The following MYOM2 variants were observed in gnomAD, a reference collection of about 807,000 sequenced individuals.
The protein encoded by MYOM2 is myomesin-2.
In MYOM2, 254 loss-of-function variants were observed where a neutral mutation model predicts 187.6. That is an observed-to-expected ratio of 1.35 (90% confidence interval 1.22 to 1.50). The LOEUF (loss-of-function observed/expected upper bound fraction) is 1.50. Among genes scored for constraint, MYOM2 ranks in the 40% most tolerant of loss-of-function variants. The pLI is 0.00. For synonymous variants in MYOM2, 981 were observed against 753.8 expected (o/e 1.30, Z -4.94); for missense variants, 2,796 against 1,924.0 (o/e 1.45, Z -8.48).
At chr8:2,089,350 C>G (rs1189201894) in intron 14 of MYOM2, among the ~76,000 whole-genome samples, 1 of 151,398 alleles carries the variant, frequency 6.6e-6, no homozygotes, top group Non-Finnish European at 1.5e-5. Flanking sequence ...TATAAAATAG[C>G]CACATTAACG....
rs1368762902 is a variant in MYOM2 at position 2,085,495 on chromosome 8, A to G, written c.1644+105A>G. 57 of 1,274,792 alleles carry G rather than the reference A, an allele frequency of 4.5e-5. 1 individual carries two copies. The highest frequency in any genetic ancestry group is 2.6e-4 in the African/African-American group (16 of 61,012). 79.0% of individuals were successfully genotyped at this position (1,274,792 alleles called of 1,614,324 possible). On this transcript the variant is annotated intron_variant, in intron 14 of 36. Transcript: ENST00000262113. Reference sequence around the variant, plus strand: ...TGTCGTGATCTCCGCGTGGCCCCTCACTGTTGTGATCTCCGCGTGGCCCCC... The same window carrying G: ...TGTCGTGATCTCCGCGTGGCCCCTCGCTGTTGTGATCTCCGCGTGGCCCCC...
chr8:2,097,777 A>G (rs1563053000), intron 18 of MYOM2, among the ~76,000 whole-genome samples: 1 of 152,218 alleles, frequency 6.6e-6, no homozygotes, highest in Non-Finnish European at 1.5e-5. Flanking sequence ...TCAGCCTCCC[A>G]AAGTGCGGGG....
Position 2,085,306 on chromosome 8 carries a change from C to T in MYOM2, c.1560C>T (p.Ser520=), listed in dbSNP as rs141043797. 4.0e-4 allele frequency: 651 copies of T among 1,614,150 alleles called. No homozygotes were observed. Among genetic ancestry groups the T allele is most frequent in the African/African-American group, 6.8e-4 (51 of 75,040 alleles). Residue 520 remains serine, a synonymous_variant, in exon 14 of 37, where the codon TCC becomes TCT. Transcript: ENST00000262113. ...GGCCTCCCACCGGTGTGCACGCTTCCGAGATCAGCAGAAACTATGTCGTCC... is the reference window on the plus strand; with the variant it reads ...GGCCTCCCACCGGTGTGCACGCTTCTGAGATCAGCAGAAACTATGTCGTCC... ...VPGPPTGVHA[S]EISRNYVVLS...
rs374841806 is a variant in MYOM2 at position 2,050,804 on chromosome 8, A to G, written c.38A>G (p.His13Arg). The change falls in exon 2 of 37, where the codon CAT (histidine) becomes CGT (arginine). Residue 13 changes from histidine (H) to arginine (R), a missense_variant. Coordinates refer to ENST00000262113, the MANE Select transcript of MYOM2 (RefSeq NM_003970.4). ...ACTGTCCCCTTCTACCAGAAGAGAC[A>G]TAGGCACTTCGACCAGTCCTACCGT... ...LVTVPFYQKR[H>R]RHFDQSYRNI... The G allele has an allele frequency of 2.5e-6, 4 of 1,613,652 alleles. No individual in the cohort carries two copies. The highest frequency in any genetic ancestry group is 1.3e-5 in the African/African-American group (1 of 75,076).
At chr8:2,089,462 C>T (rs976035625) in intron 14 of MYOM2, among the ~76,000 whole-genome samples, 1 of 152,108 alleles carries the variant, frequency 6.6e-6, no homozygotes, top group African/African-American at 2.4e-5. Context: ...TAACATAATT[C>T]CTCTTATTAG....
In MYOM2 at chr8:2,106,227, A is replaced by T; in HGVS notation, c.2735-15A>T. ...CGTGTCCCTAAGCCGCTCACTTCAT[A>T]CTCTTCTTATGCAGGCACCAAGGAA... On this transcript the variant is annotated splice_polypyrimidine_tract_variant and intron_variant, in intron 21 of 36. Transcript: ENST00000262113. The T allele has an allele frequency of 1.2e-6, 2 of 1,613,548 alleles. No individual in the cohort carries two copies. The highest frequency in any genetic ancestry group is 1.7e-6 in the Non-Finnish European group (2 of 1,179,754).
intron 17 of MYOM2, 150 bp downstream of exon 17, chr8:2,094,241 C>T (rs1285014265): frequency 1.0e-6 from 1 of 974,916 alleles, no homozygotes; most frequent in African/African-American, 1.6e-5. Flanking sequence ...TTTGAAGCCT[C>T]TCGGTTGGCT....
In MYOM2 at chr8:2,085,483, G is replaced by A. The variant is rs548710484; in HGVS notation, c.1644+93G>A. The stretch of plus-strand genomic sequence containing the variant: ...GTGGCCCACCGCTGTCGTGATCTCC[G>A]CGTGGCCCCTCACTGTTGTGATCTC... On this transcript the variant is annotated intron_variant, in intron 14 of 36. Transcript: ENST00000262113. 1.3e-3 allele frequency: 1,806 copies of A among 1,422,282 alleles called. 48 individuals carry two copies. The highest frequency in any genetic ancestry group is 1.4e-3 in the Non-Finnish European group (1,536 of 1,062,080). The allele number at this position is 1,422,282 out of a possible 1,614,324, so 88.1% of individuals were successfully genotyped here. A position where few individuals can be genotyped will look rare whatever the true frequency, so the allele number is the denominator to read the frequency against.
intron 32 of MYOM2, among the ~76,000 whole-genome samples, chr8:2,134,724 C>A (rs942663699): frequency 6.6e-6 from 1 of 152,166 alleles, no homozygotes; most frequent in Non-Finnish European, 1.5e-5. Context: ...CAAATTGTTC[C>A]AGCTCTGGCC....
intron 16 of MYOM2, among the ~76,000 whole-genome samples, chr8:2,093,347 T>A (rs1374237476): frequency 3.3e-5 from 5 of 152,226 alleles, no homozygotes; most frequent in African/African-American, 4.8e-5. Flanking sequence ...GAATATTTAT[T>A]GACTATATAT....
In MYOM2 at chr8:2,144,851, A is replaced by G; in HGVS notation, c.4268A>G (p.Lys1423Arg). The G allele has an allele frequency of 6.2e-7, 1 of 1,614,156 alleles. No individual in the cohort carries two copies. The highest frequency in any genetic ancestry group is 2.2e-5 in the East Asian group (1 of 44,854). The change falls in exon 37 of 37, where the codon AAG (lysine) becomes AGG (arginine). Residue 1423 changes from lysine (K) to arginine (R), a missense_variant. Lys to Arg is a conservative substitution (Grantham distance 26, BLOSUM62 2). Coordinates refer to ENST00000262113, the MANE Select transcript of MYOM2 (RefSeq NM_003970.4). The stretch of plus-strand genomic sequence containing the variant: ...AAGTACAGCATCAACATCAAGAATA[A>G]GTATGGCGGGGAGAAGATCGACGTG... ...SGKYSINIKN[K>R]YGGEKIDVTV...
intron 8 of MYOM2, among the ~76,000 whole-genome samples, chr8:2,071,413 A>G (rs1819212514): frequency 6.6e-6 from 1 of 151,732 alleles, no homozygotes. Context: ...TCCCCCTACC[A>G]CACATATTTT....
chr8:2,057,379 G>A lies in MYOM2; in HGVS notation c.295G>A (p.Ala99Thr), dbSNP rs1309509805. The A allele has an allele frequency of 2.5e-6, 4 of 1,613,512 alleles. No homozygotes were observed. Among genetic ancestry groups the A allele is most frequent in the South Asian group, 2.2e-5 (2 of 90,958 alleles). ...YQSLVAAYGE[A>T]KRQRFLSELA... ...GTCCCTGGTGGCCGCCTATGGTGAG[G>A]CCAAGCGACAGCGCTTCCTCAGCGA... The change falls in exon 4 of 37, where the codon GCC becomes ACC. Residue 99 changes from alanine (A) to threonine (T), a missense_variant. Ala to Thr is a moderately conservative substitution (Grantham distance 58). Coordinates refer to ENST00000262113, the MANE Select transcript of MYOM2 (RefSeq NM_003970.4).
At chr8:2,085,495 A>ATGATCTCTGTGTGGCCCACCG (rs1819802844) in intron 14 of MYOM2, 105 bp downstream of exon 14, 7 of 1,274,690 alleles carry the variant, frequency 5.5e-6, no homozygotes, top group African/African-American at 3.3e-5. Context: ...GTGGCCCCTC[A>ATGATCTCTGTGTGGCCCACCG]CTGTTGTGAT....
intron 31 of MYOM2, among the ~76,000 whole-genome samples, chr8:2,125,484 T>A (rs1468222551): frequency 6.6e-6 from 1 of 152,226 alleles, no homozygotes; most frequent in African/African-American, 2.4e-5. Flanking sequence ...TGTTTTGGTT[T>A]CTGTAACTAT....
Position 2,085,366 on chromosome 8 carries a change from C to T in MYOM2, c.1620C>T (p.Asp540=). Residue 540 remains aspartate, a synonymous_variant, in exon 14 of 37, where the codon GAC becomes GAT. Coordinates refer to ENST00000262113, the MANE Select transcript of MYOM2 (RefSeq NM_003970.4). ...SWEPPTPRGK[D]PLMYFIEKSV... is the part of the protein sequence containing the mutation. ...AGCCACCCACTCCCCGTGGCAAGGACCCGCTCATGTACTTCATTGAGAAGG... is the reference window on the plus strand; with the variant it reads ...AGCCACCCACTCCCCGTGGCAAGGATCCGCTCATGTACTTCATTGAGAAGG... 3 of 1,613,288 alleles carry T rather than the reference C, an allele frequency of 1.9e-6. No homozygotes were observed. The South Asian group carries it at 3.3e-5, about 18-fold the overall frequency.
At chr8:2,053,394 T>C (rs1818555151) in intron 3 of MYOM2, among the ~76,000 whole-genome samples, 1 of 152,230 alleles carries the variant, frequency 6.6e-6, no homozygotes, top group Non-Finnish European at 1.5e-5. Context: ...ATGTATTGGA[T>C]TAAAGGGTTC....
chr8:2,083,129 T>C (rs928760622), intron 13 of MYOM2, among the ~76,000 whole-genome samples: 5 of 152,236 alleles, frequency 3.3e-5, no homozygotes, highest in Non-Finnish European at 5.9e-5. Flanking sequence ...AACAATCATA[T>C]ATATTATATA....
Position 2,145,016 on chromosome 8 carries a change from C to G in MYOM2, c.*35C>G. 4.4e-6 allele frequency: 7 copies of G among 1,606,514 alleles called. No individual in the cohort carries two copies. The highest frequency in any genetic ancestry group is 5.1e-6 in the Non-Finnish European group (6 of 1,176,600). On this transcript the variant is annotated 3_prime_UTR_variant, in exon 37 of 37. Transcript: ENST00000262113. The stretch of plus-strand genomic sequence containing the variant: ...CCTAGCCTGGAGATGGGAAAATATG[C>G]TTGGCAGAGACAGGAATGCTGTGTG...
Sources: allele counts gnomAD v4.1 joint callset (sites outside exome capture counted in the v4.1 genomes callset), GRCh38; gene constraint gnomAD v4.1.1; transcripts MANE v1.5; gene names NCBI Gene and HGNC (gene_info 2026-07-23, HGNC 2026-07-21).